The following SPIDR variants were observed in gnomAD, a reference collection of about 807,000 sequenced individuals.
The protein encoded by SPIDR is DNA repair-scaffolding protein.
A neutral mutation model predicts 104.6 loss-of-function variants in SPIDR; 93 were observed. The ratio of observed to expected loss-of-function variants is 0.89; its 90% CI spans 0.75 to 1.06. SPIDR has a LOEUF of 1.06. Among genes scored for constraint, SPIDR ranks in the 50% least tolerant of loss-of-function variants. The pLI, the probability that SPIDR is intolerant of heterozygous loss-of-function variation, is 0.00. For missense variants in SPIDR, 1,154 were observed against 1,111.2 expected (o/e 1.04, Z -0.55); for synonymous variants, 431 against 416.9 (o/e 1.03, Z -0.41).
chr8:47,370,689 A>T (rs2057892033), intron 5 of SPIDR, among the ~76,000 whole-genome samples: 1 of 151,600 alleles, frequency 6.6e-6, no homozygotes, highest in Non-Finnish European at 1.5e-5. Context: ...TGACCTTGGG[A>T]TCCACCCACC....
At chr8:47,316,859 T>C (rs1200464923) in intron 5 of SPIDR, among the ~76,000 whole-genome samples, 1 of 152,206 alleles carries the variant, frequency 6.6e-6, no homozygotes, top group Non-Finnish European at 1.5e-5. Context: ...TAAATACATA[T>C]TAATAGAAAT....
At chr8:47,570,711 TAA>T (rs1430036886) in intron 8 of SPIDR, among the ~76,000 whole-genome samples, 2 of 152,228 alleles carry the variant, frequency 1.3e-5, no homozygotes, top group Middle Eastern at 3.4e-3. Flanking sequence ...CACTCAGTAA[TAA>T]AAAGACAACC....
At chr8:47,548,669 A>G (rs1311898575) in intron 8 of SPIDR, among the ~76,000 whole-genome samples, 1 of 152,240 alleles carries the variant, frequency 6.6e-6, no homozygotes, top group East Asian at 1.9e-4. Context: ...CAAAAGGGAA[A>G]AAGTAAGAAT....
chr8:47,300,766 G>A (rs897446136), intron 5 of SPIDR, among the ~76,000 whole-genome samples: 2 of 152,162 alleles, frequency 1.3e-5, no homozygotes, highest in Non-Finnish European at 2.9e-5. Context: ...TTTTGAGTGA[G>A]TTTCTTAATC....
At chr8:47,275,740 A>T (rs1421926502) in intron 1 of SPIDR, among the ~76,000 whole-genome samples, 1 of 152,264 alleles carries the variant, frequency 6.6e-6, no homozygotes, top group African/African-American at 2.4e-5. Flanking sequence ...TGGGTACCCC[A>T]TACGTAATTT....
chr8:47,368,003 TG>T (rs2057448220), intron 5 of SPIDR, among the ~76,000 whole-genome samples: 1 of 152,096 alleles, frequency 6.6e-6, no homozygotes, highest in African/African-American at 2.4e-5. Context: ...ACAATGGAAA[TG>T]CATTTCTCAC....
intron 5 of SPIDR, among the ~76,000 whole-genome samples, chr8:47,334,621 A>G (rs1554607230): frequency 3.9e-5 from 6 of 152,086 alleles, no homozygotes; most frequent in South Asian, 2.1e-4. Context: ...TCTTTCTTCA[A>G]TCCATTTACT....
At chr8:47,580,155 G>A (rs1049345629) in intron 8 of SPIDR, among the ~76,000 whole-genome samples, 2 of 152,176 alleles carry the variant, frequency 1.3e-5, no homozygotes, top group Non-Finnish European at 2.9e-5. Context: ...TAAATGTTGT[G>A]TATATGAGCA....
intron 8 of SPIDR, among the ~76,000 whole-genome samples, chr8:47,583,598 GA>G (rs2059969105): frequency 6.6e-6 from 1 of 152,286 alleles, no homozygotes; most frequent in Non-Finnish European, 1.5e-5. Context: ...AAAAGAAATG[GA>G]AAGTTCATGC....
At chr8:47,314,276 A>G (rs587756758) in intron 5 of SPIDR, among the ~76,000 whole-genome samples, 59 of 152,348 alleles carry the variant, frequency 3.9e-4, no homozygotes, top group Admixed American at 1.1e-3. Context: ...GGTGATAACT[A>G]AAAAACAAGA....
intron 8 of SPIDR, among the ~76,000 whole-genome samples, chr8:47,467,245 C>G (rs1383145697): frequency 6.6e-6 from 1 of 151,936 alleles, no homozygotes; most frequent in African/African-American, 2.4e-5. Context: ...CAAAAAAAGC[C>G]CAGGACCAGA....
At chr8:47,725,015 A>G (rs569839940) in intron 16 of SPIDR, among the ~76,000 whole-genome samples, 20 of 152,272 alleles carry the variant, frequency 1.3e-4, no homozygotes, top group Non-Finnish European at 2.8e-4. Flanking sequence ...CTCTGTGGAA[A>G]GAGGGGTGAA....
intron 5 of SPIDR, among the ~76,000 whole-genome samples, chr8:47,373,490 T>C (rs1238221808): frequency 6.6e-6 from 1 of 152,012 alleles, no homozygotes; most frequent in Non-Finnish European, 1.5e-5. Flanking sequence ...GGGATTTTTT[T>C]TCTTTTTTTT....
intron 10 of SPIDR, among the ~76,000 whole-genome samples, chr8:47,668,624 AGGAT>A (rs147505488): frequency 0.02 from 2,988 of 152,352 alleles, 94 homozygotes; most frequent in African/African-American, 0.067. Context: ...GAACAAAATA[AGGAT>A]GCCCAGTCAC....
At chr8:47,387,285 C>T (rs2060069082) in intron 5 of SPIDR, among the ~76,000 whole-genome samples, 1 of 152,136 alleles carries the variant, frequency 6.6e-6, no homozygotes, top group Non-Finnish European at 1.5e-5. Flanking sequence ...TTAGAGACCA[C>T]AGGGCAGGTG....
chr8:47,389,127 T>C (rs1182357194), intron 5 of SPIDR, among the ~76,000 whole-genome samples: 1 of 152,190 alleles, frequency 6.6e-6, no homozygotes, highest in African/African-American at 2.4e-5. Context: ...ACATAGTCAT[T>C]CTTTGCTCTG....
chr8:47,462,667 G>GA (rs1308971692), intron 8 of SPIDR, among the ~76,000 whole-genome samples: 2 of 151,986 alleles, frequency 1.3e-5, no homozygotes, highest in Non-Finnish European at 2.9e-5. Context: ...TAAGGTACTA[G>GA]AAAAAAAGAA....
At chr8:47,710,782 A>AT (rs893813607) in intron 14 of SPIDR, among the ~76,000 whole-genome samples, 3 of 147,488 alleles carry the variant, frequency 2.0e-5, no homozygotes, top group South Asian at 2.2e-4. Context: ...AATTTTTTTA[A>AT]TTTTTTTTTT....
At chr8:47,690,329 G>C (rs906572553) in intron 11 of SPIDR, among the ~76,000 whole-genome samples, 1 of 152,108 alleles carries the variant, frequency 6.6e-6, no homozygotes, top group African/African-American at 2.4e-5. Flanking sequence ...TCCCAATGAA[G>C]TAGAACAGAA....
Sources: allele counts gnomAD v4.1 joint callset (sites outside exome capture counted in the v4.1 genomes callset), GRCh38; gene constraint gnomAD v4.1.1; transcripts MANE v1.5; gene names NCBI Gene and HGNC (gene_info 2026-07-23, HGNC 2026-07-21).